The following LHFPL3 variants were observed in gnomAD, a reference collection of about 807,000 sequenced individuals.
LHFPL3 encodes the protein LHFPL tetraspan subfamily member 3.
A neutral mutation model predicts 19.3 loss-of-function variants in LHFPL3; 5 were observed. The observed-to-expected ratio is 0.26, with a 90% CI of 0.14 to 0.54. LHFPL3 has a LOEUF of 0.54. Among genes scored for constraint, LHFPL3 ranks in the 20% least tolerant of loss-of-function variants. The pLI is 0.94. For missense variants in LHFPL3, 249 were observed against 307.4 expected, an observed-to-expected ratio of 0.81 and a Z score of 1.42; for synonymous variants, 133 against 126.2, an observed-to-expected ratio of 1.05 and a Z score of -0.36.
chr7:104,835,819 A>G (rs1043910209), intron 2 of LHFPL3, among the ~76,000 whole-genome samples: 7 of 151,786 alleles, frequency 4.6e-5, no homozygotes, highest in African/African-American at 1.5e-4. Flanking sequence ...GGTTTGTTAC[A>G]TAGGTATACA....
rs191428716 is a variant in LHFPL3, at chr7:104,343,039, G to A, written c.445+13815G>A. Among the ~76,000 whole-genome samples the A allele has an allele frequency of 3.6e-3, 516 of 141,596 alleles. 4 individuals are homozygous for A. The highest frequency in any genetic ancestry group is 0.013 in the African/African-American group (480 of 37,214). 92.9% of individuals were successfully genotyped at this position (141,596 alleles called of 152,430 possible). A position where few individuals can be genotyped will look rare whatever the true frequency, so the allele number is the denominator to read the frequency against. On this transcript the variant is annotated intron_variant, in intron 1 of 2. Coordinates refer to ENST00000424859, the MANE Select transcript of LHFPL3 (RefSeq NM_199000.3). Reference sequence around the variant, plus strand: ...AAATTCTCTAGAAAACCAAACAAATGATTGTGAGAGGTGGTCCCTATACAC... The same window carrying A: ...AAATTCTCTAGAAAACCAAACAAATAATTGTGAGAGGTGGTCCCTATACAC...
chr7:104,369,897 T>C (rs917195929), intron 1 of LHFPL3, among the ~76,000 whole-genome samples: 2 of 152,258 alleles, frequency 1.3e-5, no homozygotes, highest in Non-Finnish European at 2.9e-5. Context: ...TAAAATATTC[T>C]AAATATAAGT....
chr7:104,430,419 C>CATATATATATATGTAT (rs1791959935), intron 1 of LHFPL3, among the ~76,000 whole-genome samples: 10 of 14,650 alleles, frequency 6.8e-4, no homozygotes, highest in Non-Finnish European at 1.1e-3. Flanking sequence ...TATATATATA[C>CATATATATATATGTAT]ATATATATAT....
chr7:104,370,005 A>T (rs1051780672), intron 1 of LHFPL3, among the ~76,000 whole-genome samples: 3 of 152,246 alleles, frequency 2.0e-5, no homozygotes, highest in Non-Finnish European at 4.4e-5. Context: ...GATATAAAGA[A>T]TATTAATTGT....
intron 1 of LHFPL3, among the ~76,000 whole-genome samples, chr7:104,557,748 T>G (rs1789877881): frequency 6.6e-6 from 1 of 151,752 alleles, no homozygotes; most frequent in South Asian, 2.1e-4. Context: ...TACATATGTA[T>G]ACATGTGCCA....
chr7:104,591,548 T>C (rs1315080909), intron 1 of LHFPL3, among the ~76,000 whole-genome samples: 3 of 152,196 alleles, frequency 2.0e-5, no homozygotes, highest in Admixed American at 6.5e-5. Flanking sequence ...GCCCTTAACA[T>C]TTTTTCCTTC....
intron 2 of LHFPL3, among the ~76,000 whole-genome samples, chr7:104,854,572 C>T (rs755246787): frequency 5.3e-5 from 8 of 152,162 alleles, no homozygotes; most frequent in African/African-American, 1.2e-4. Flanking sequence ...TTATGAGAGA[C>T]TCTCTTCAAC....
chr7:104,677,936 T>G (rs1792623361), intron 1 of LHFPL3, among the ~76,000 whole-genome samples: 1 of 152,200 alleles, frequency 6.6e-6, no homozygotes, highest in South Asian at 2.1e-4. Context: ...ATGGCTACTG[T>G]GTTGGACAGT....
chr7:104,515,991 CACTCT>C (rs755383824), intron 1 of LHFPL3, among the ~76,000 whole-genome samples: 7 of 152,202 alleles, frequency 4.6e-5, no homozygotes, highest in South Asian at 4.1e-4. Flanking sequence ...AACAGCACCC[CACTCT>C]ACTCTACTGG....
intron 2 of LHFPL3, 21 bp downstream of exon 2, chr7:104,736,932 T>C (rs760830037): frequency 2.6e-6 from 4 of 1,552,888 alleles, no homozygotes; most frequent in Non-Finnish European, 3.5e-6. Context: ...TTTAAGGAAC[T>C]CTTACCTGGA....
chr7:104,742,279 T>C (rs1793949672), intron 2 of LHFPL3, among the ~76,000 whole-genome samples: 1 of 152,214 alleles, frequency 6.6e-6, no homozygotes, highest in Non-Finnish European at 1.5e-5. Context: ...TTGGAATTTC[T>C]TATCAGATAA....
At chr7:104,682,178 C>T (rs1792716170) in intron 1 of LHFPL3, among the ~76,000 whole-genome samples, 1 of 152,204 alleles carries the variant, frequency 6.6e-6, no homozygotes, top group Non-Finnish European at 1.5e-5. Flanking sequence ...ATCCCTTTTT[C>T]AAACTCATTT....
At chr7:104,900,437 C>T (rs368829701) in intron 2 of LHFPL3, among the ~76,000 whole-genome samples, 1 of 152,222 alleles carries the variant, frequency 6.6e-6, no homozygotes, top group African/African-American at 2.4e-5. Context: ...CCACTGCATA[C>T]AGAAATAGCA....
chr7:104,684,627 T>A (rs1417899295), intron 1 of LHFPL3, among the ~76,000 whole-genome samples: 2 of 152,256 alleles, frequency 1.3e-5, no homozygotes, highest in Non-Finnish European at 2.9e-5. Flanking sequence ...GTTGGCTGAC[T>A]TCTGCTCTGG....
chr7:104,825,961 C>A (rs1430423767), intron 2 of LHFPL3, among the ~76,000 whole-genome samples: 1 of 151,822 alleles, frequency 6.6e-6, no homozygotes, highest in Non-Finnish European at 1.5e-5. Flanking sequence ...AAAGTTAGGA[C>A]TTTAGCTGGA....
At chr7:104,335,016 G>A (rs536780099) in intron 1 of LHFPL3, among the ~76,000 whole-genome samples, 1 of 152,266 alleles carries the variant, frequency 6.6e-6, no homozygotes, top group East Asian at 1.9e-4. Context: ...CATCAGTGCA[G>A]ATGTGCTCTT....
At chr7:104,349,687 G>A (rs530516220) in intron 1 of LHFPL3, among the ~76,000 whole-genome samples, 3 of 152,258 alleles carry the variant, frequency 2.0e-5, no homozygotes, top group Admixed American at 6.5e-5. Flanking sequence ...AAACCTGCAC[G>A]TTCTGCACAT....
intron 2 of LHFPL3, among the ~76,000 whole-genome samples, chr7:104,767,193 G>A (rs577115518): frequency 6.6e-6 from 1 of 152,298 alleles, no homozygotes; most frequent in South Asian, 2.1e-4. Flanking sequence ...TAGTGCCCTT[G>A]GTGAGAAGAC....
intron 1 of LHFPL3, among the ~76,000 whole-genome samples, chr7:104,508,204 C>G (rs1201134796): frequency 6.6e-6 from 1 of 152,008 alleles, no homozygotes; most frequent in Non-Finnish European, 1.5e-5. Flanking sequence ...CACTTGGAAC[C>G]AACCCAAATG....
Sources: allele counts gnomAD v4.1 joint callset (sites outside exome capture counted in the v4.1 genomes callset), GRCh38; gene constraint gnomAD v4.1.1; transcripts MANE v1.5; gene names NCBI Gene and HGNC (gene_info 2026-07-23, HGNC 2026-07-21).